Variants in ROBO1 observed in about 807,000 individuals in gnomAD.
ROBO1 encodes the protein roundabout homolog 1.
In ROBO1, 149 loss-of-function variants were observed where a neutral mutation model predicts 195.9. That is an observed-to-expected ratio of 0.76 (90% CI 0.67 to 0.87). The LOEUF (loss-of-function observed/expected upper bound fraction) is 0.87. Among genes scored for constraint, ROBO1 ranks in the 40% least tolerant of loss-of-function variants. The probability of loss-of-function intolerance (pLI) is 0.00; values close to 1 mark genes in which losing one functional copy is unlikely to be tolerated. For missense variants in ROBO1, 1,933 were observed against 2,068.3 expected (o/e 0.93, Z 1.27); for synonymous variants, 816 against 733.2 (o/e 1.11, Z -1.82).
At chr3:78,617,274 A>G (rs1704164870) in intron 27 of ROBO1, among the ~76,000 whole-genome samples, 2 of 152,212 alleles carry the variant, frequency 1.3e-5, no homozygotes, top group Non-Finnish European at 2.9e-5. Flanking sequence ...GTATACATTC[A>G]AAAACACAAA....
chr3:78,634,658 T>C (rs1705387145), intron 23 of ROBO1: 1 of 160,040 alleles, frequency 6.2e-6, no homozygotes, highest in Non-Finnish European at 1.4e-5. Context: ...GACAATAGTT[T>C]GAATCACCAC....
At chr3:78,941,043 G>A (rs181539119) in intron 3 of ROBO1, among the ~76,000 whole-genome samples, 1 of 152,190 alleles carries the variant, frequency 6.6e-6, no homozygotes, top group Admixed American at 6.5e-5. Context: ...CCTACATGAG[G>A]CTTATTTGTA....
chr3:79,738,744 G>T (rs1703497803), intron 1 of ROBO1, among the ~76,000 whole-genome samples: 1 of 152,114 alleles, frequency 6.6e-6, no homozygotes, highest in Non-Finnish European at 1.5e-5. Flanking sequence ...CTACTGCATT[G>T]TGTATTTAAT....
chr3:78,750,920 T>C (rs1008360831), intron 4 of ROBO1, among the ~76,000 whole-genome samples: 37 of 152,202 alleles, frequency 2.4e-4, no homozygotes. Context: ...GTATTCTGAT[T>C]ACCAGTGAAG....
intron 1 of ROBO1, among the ~76,000 whole-genome samples, chr3:79,752,396 G>C (rs1411979787): frequency 6.6e-6 from 1 of 152,078 alleles, no homozygotes; most frequent in Non-Finnish European, 1.5e-5. Context: ...TCTTCTCTCT[G>C]GGTGCCGGCA....
chr3:78,825,400 T>TAG (rs1188761139), intron 4 of ROBO1, among the ~76,000 whole-genome samples: 2 of 152,060 alleles, frequency 1.3e-5, no homozygotes, highest in African/African-American at 2.4e-5. Context: ...GCAAAACAGG[T>TAG]AGCTGATGAC....
At chr3:79,313,830 G>A (rs2033608498) in intron 2 of ROBO1, among the ~76,000 whole-genome samples, 1 of 152,094 alleles carries the variant, frequency 6.6e-6, no homozygotes, top group Non-Finnish European at 1.5e-5. Context: ...AGGCTTTTAT[G>A]CTATATCATC....
chr3:79,555,158 T>C (rs1338548341), intron 2 of ROBO1, among the ~76,000 whole-genome samples: 8 of 152,130 alleles, frequency 5.3e-5, no homozygotes, highest in Non-Finnish European at 1.0e-4. Context: ...ATATTTAATA[T>C]ATTGTTATTT....
chr3:79,134,108 A>G (rs1296434591), intron 2 of ROBO1, among the ~76,000 whole-genome samples: 1 of 145,498 alleles, frequency 6.9e-6, no homozygotes, highest in African/African-American at 2.6e-5. Flanking sequence ...GCAACCTACA[A>G]CATGGGAGAA....
intron 2 of ROBO1, among the ~76,000 whole-genome samples, chr3:79,491,598 T>G (rs1216791941): frequency 1.3e-5 from 2 of 152,176 alleles, no homozygotes; most frequent in Non-Finnish European, 2.9e-5. Context: ...TGCCAAAAAT[T>G]TGATTAAACT....
chr3:79,052,693 G>T (rs1169581268), intron 3 of ROBO1, among the ~76,000 whole-genome samples: 1 of 151,952 alleles, frequency 6.6e-6, no homozygotes, highest in Admixed American at 6.6e-5. Flanking sequence ...CCAACACTTA[G>T]GGAAAATAGA....
intron 4 of ROBO1, among the ~76,000 whole-genome samples, chr3:78,791,546 C>T (rs964798098): frequency 4.6e-5 from 7 of 152,084 alleles, no homozygotes; most frequent in African/African-American, 1.7e-4. Flanking sequence ...CAGGCTTCGT[C>T]GATACCCTCT....
intron 2 of ROBO1, among the ~76,000 whole-genome samples, chr3:79,226,349 A>G (rs1424015440): frequency 6.6e-6 from 1 of 152,116 alleles, no homozygotes; most frequent in Non-Finnish European, 1.5e-5. Flanking sequence ...TTAAAGAGGA[A>G]CTAAACACTG....
chr3:79,129,635 T>G (rs2080287432), intron 2 of ROBO1, among the ~76,000 whole-genome samples: 1 of 152,198 alleles, frequency 6.6e-6, no homozygotes, highest in African/African-American at 2.4e-5. Flanking sequence ...ATTTTTTAAT[T>G]GACAAATTTA....
intron 3 of ROBO1, among the ~76,000 whole-genome samples, chr3:79,013,312 G>T (rs550021175): frequency 6.6e-6 from 1 of 152,282 alleles, no homozygotes; most frequent in South Asian, 2.1e-4. Flanking sequence ...ACGTGCATCT[G>T]CATCACCAGC....
At chr3:79,098,958 A>G (rs998313749) in intron 3 of ROBO1, among the ~76,000 whole-genome samples, 1 of 151,700 alleles carries the variant, frequency 6.6e-6, no homozygotes, top group Non-Finnish European at 1.5e-5. Flanking sequence ...TGGGTGATCA[A>G]TGTATTATAT....
chr3:79,089,460 T>C (rs1477849086), intron 3 of ROBO1, among the ~76,000 whole-genome samples: 1 of 152,202 alleles, frequency 6.6e-6, no homozygotes, highest in Non-Finnish European at 1.5e-5. Flanking sequence ...GAAATTTAGT[T>C]TGTTTCTAGT....
chr3:78,695,136 G>T (rs973418374), intron 8 of ROBO1, among the ~76,000 whole-genome samples: 1 of 134,868 alleles, frequency 7.4e-6, no homozygotes, highest in Non-Finnish European at 1.6e-5. Flanking sequence ...GGGGGAGGGG[G>T]GAGGACTAGC....
chr3:79,666,508 G>T (rs1946479505), intron 1 of ROBO1, among the ~76,000 whole-genome samples: 2 of 151,834 alleles, frequency 1.3e-5, no homozygotes, highest in African/African-American at 2.4e-5. Context: ...TTGTAGGAGG[G>T]ACCCAGTGGA....
Sources: gnomAD v4.1 joint callset for allele counts (sites outside exome capture counted in the v4.1 genomes callset) on GRCh38, gnomAD v4.1.1 for gene constraint, MANE v1.5 for transcripts, NCBI Gene and HGNC (gene_info 2026-07-23, HGNC 2026-07-21) for gene names.